FRYL: variants seen among roughly 807,000 people sequenced by gnomAD.
The protein encoded by FRYL is protein furry homolog-like.
Under a neutral mutation model 351.2 loss-of-function variants are expected in FRYL, and 150 were observed. The observed-to-expected ratio is 0.43, with a 90% CI of 0.37 to 0.49. The LOEUF (loss-of-function observed/expected upper bound fraction) is 0.49, where lower values mean the gene tolerates loss of function less well. FRYL is among the 20% of genes least tolerant of loss of function. The pLI is 0.00. For missense variants in FRYL, 3,036 were observed against 3,619.3 expected, an observed-to-expected ratio of 0.84 and a Z score of 4.13; for synonymous variants, 1,153 against 1,257.1, an observed-to-expected ratio of 0.92 and a Z score of 1.75.
chr4:48,637,601 T>C (rs1036439504), intron 3 of FRYL: 1 of 145,818 alleles, frequency 6.9e-6, no homozygotes, highest in African/African-American at 2.5e-5. Flanking sequence ...GAAAAACCCA[T>C]GTCGTATTAA....
chr4:48,558,087 G>A (rs1468086983), intron 33 of FRYL, among the ~76,000 whole-genome samples: 1 of 152,086 alleles, frequency 6.6e-6, no homozygotes, highest in African/African-American at 2.4e-5. Flanking sequence ...ATTGAAAGCA[G>A]AAACTCAAAC....
At chr4:48,693,870 A>C (rs1032114529) in intron 2 of FRYL, among the ~76,000 whole-genome samples, 10 of 152,182 alleles carry the variant, frequency 6.6e-5, no homozygotes, top group African/African-American at 2.2e-4. Flanking sequence ...TTTGATGAGG[A>C]GTTTTATTAT....
At chr4:48,582,842 T>A in intron 19 of FRYL, 108 bp from the exon 20 acceptor site, 1 of 758,570 alleles carries the variant, frequency 1.3e-6, no homozygotes, top group East Asian at 2.5e-5. Context: ...AGTTGTTTTG[T>A]AAGAAATATG....
chr4:48,535,929 T>C (rs2148905395), intron 47 of FRYL, 102 bp from the exon 48 acceptor site: 1 of 979,306 alleles, frequency 1.0e-6, no homozygotes, highest in Non-Finnish European at 1.4e-6. Context: ...TTTAGATGTA[T>C]ATTGGTTTTA....
At chr4:48,653,952 C>A in intron 3 of FRYL, 1 of 1,195,942 alleles carries the variant, frequency 8.4e-7, no homozygotes, top group South Asian at 1.5e-5. Context: ...ACCATGCAGT[C>A]TTGCAGTGAC....
In FRYL at chr4:48,510,083, A is replaced by T. The variant is rs1445145331; in HGVS notation, c.8370T>A (p.Asn2790Lys). Residue 2790 changes from asparagine (N) to lysine (K), a missense_variant, in exon 59 of 64, where the codon AAT becomes AAA. Physicochemically the swap from Asn to Lys is moderately conservative, Grantham distance 94. Around this residue, in one of 7 missense-constraint regions of FRYL, gnomAD observed 1,987 missense variants for 2,311.7 expected, o/e 0.86. Transcript: ENST00000358350. ...CCTGCTCAGCGGCTTCTCTTTTCAC[A>T]TTGTATGTATCCAGGTGTTCTTGCA... is the stretch of plus-strand genomic sequence containing the variant. ...LELQEHLDTY[N>K]VKREAAEQWL... The T allele has an allele frequency of 6.2e-7, 1 of 1,613,294 alleles. No individual in the cohort carries two copies. Among genetic ancestry groups the T allele is most frequent in the East Asian group, 2.2e-5 (1 of 44,868 alleles).
At chr4:48,702,273 T>C (rs1370582235) in intron 2 of FRYL, among the ~76,000 whole-genome samples, 1 of 147,596 alleles carries the variant, frequency 6.8e-6, no homozygotes, top group Non-Finnish European at 1.5e-5. Context: ...CTGGCCAACA[T>C]GGTGAAACCC....
At chr4:48,516,477 T>C (rs1450303175) in intron 55 of FRYL, among the ~76,000 whole-genome samples, 3 of 152,222 alleles carry the variant, frequency 2.0e-5, no homozygotes, top group African/African-American at 7.2e-5. Flanking sequence ...GTCATAGTTC[T>C]AGGAATAAAG....
At chr4:48,546,567 A>G (rs1036699739) in intron 41 of FRYL, 12 of 328,590 alleles carry the variant, frequency 3.7e-5, no homozygotes, top group Middle Eastern at 8.8e-4. Context: ...ATTCTGGCAT[A>G]TTTTGTCAAC....
intron 32 of FRYL, among the ~76,000 whole-genome samples, chr4:48,562,637 T>C (rs566879899): frequency 2.0e-5 from 3 of 152,332 alleles, no homozygotes; most frequent in East Asian, 3.8e-4. Context: ...AGTACCTTCA[T>C]ACACATACAC....
rs377530563 is a variant in FRYL at position 48,595,989 on chromosome 4, C to T, written c.1047G>A (p.Pro349=). The change falls in exon 14 of 64, where the codon CCG becomes CCA. Residue 349 remains proline (P), a synonymous_variant. Coordinates refer to ENST00000358350, the MANE Select transcript of FRYL (RefSeq NM_015030.2). The part of the protein sequence containing the change: ...NCLSHLKNKD[P]KMSRVALESL... The stretch of plus-strand genomic sequence containing the variant: ...ATTCCAGTGCAACTCGAGACATTTT[C>T]GGATCTTTATTCTGTTTTAAAACAA... 2.4e-4 allele frequency: 390 copies of T among 1,593,340 alleles called. 3 individuals carry two copies. In the South Asian group the frequency reaches 3.4e-3, roughly 14 times the overall value.
chr4:48,509,958 G>A, intron 59 of FRYL, 101 bp downstream of exon 59: 5 of 708,764 alleles, frequency 7.1e-6, no homozygotes, highest in Non-Finnish European at 9.8e-6. Flanking sequence ...TGAGGCAGGT[G>A]CTGAGAGGTC....
chr4:48,757,297 A>G (rs778036640), intron 1 of FRYL, among the ~76,000 whole-genome samples: 1 of 152,172 alleles, frequency 6.6e-6, no homozygotes, highest in Non-Finnish European at 1.5e-5. Flanking sequence ...AGGAAGTCAA[A>G]TTGTCCCTGT....
At chr4:48,513,343 C>T (rs1454766015) in intron 56 of FRYL, among the ~76,000 whole-genome samples, 1 of 152,136 alleles carries the variant, frequency 6.6e-6, no homozygotes, top group Non-Finnish European at 1.5e-5. Flanking sequence ...ATGTTCCTAG[C>T]AATATGGCCG....
intron 62 of FRYL, 138 bp from the exon 63 acceptor site, chr4:48,500,358 G>A: frequency 2.0e-6 from 1 of 509,190 alleles, no homozygotes; most frequent in Non-Finnish European, 3.3e-6. Flanking sequence ...GGAAGAAAGG[G>A]CAGTTAATAT....
chr4:48,653,625 T>G (rs1006628515), intron 3 of FRYL: 1 of 836,474 alleles, frequency 1.2e-6, no homozygotes, highest in Non-Finnish European at 1.7e-6. Context: ...TTTTATCTAT[T>G]TGGATTGGTC....
At chr4:48,755,501 GC>G (rs1212107793) in intron 1 of FRYL, among the ~76,000 whole-genome samples, 2 of 152,088 alleles carry the variant, frequency 1.3e-5, no homozygotes, top group African/African-American at 2.4e-5. Flanking sequence ...TGGTCATCCA[GC>G]CAACATTATT....
rs1736165823 is a variant in FRYL, at chr4:48,564,032, T to A, written c.3512A>T (p.Tyr1171Phe). The A allele has an allele frequency of 6.2e-7, 1 of 1,614,176 alleles. No individual in the cohort carries two copies. The change falls in exon 31 of 64, where the codon TAC becomes TTC. Residue 1171 changes from tyrosine (Y) to phenylalanine (F), a missense_variant. Physicochemically the swap from Tyr to Phe is conservative, Grantham distance 22 (BLOSUM62 3). This residue lies in a region of FRYL where 1,987 missense variants were observed against 2,311.7 expected (regional missense o/e 0.86). Transcript: ENST00000358350. ...ELNPDQSNLM[Y>F]WAVDRCYTGS... ...CGTGTAGCAGCGGTCCACAGCCCAG[T>A]ACATCAGGTTGCTCTGATCAGGGTT...
At chr4:48,774,745 A>C (rs1288900279) in intron 1 of FRYL, among the ~76,000 whole-genome samples, 2 of 152,184 alleles carry the variant, frequency 1.3e-5, no homozygotes, top group East Asian at 1.9e-4. Flanking sequence ...ACAGGGTTTC[A>C]CTATGTTGGC....
Sources: allele counts gnomAD v4.1 joint callset (sites outside exome capture counted in the v4.1 genomes callset), GRCh38; gene constraint gnomAD v4.1.1; regional missense constraint gnomAD v4.1.1; transcripts MANE v1.5; gene names NCBI Gene and HGNC (gene_info 2026-07-23, HGNC 2026-07-21).